The following FHIT variants were observed in gnomAD, a reference collection of about 807,000 sequenced individuals.
The protein encoded by FHIT is bis(5'-adenosyl)-triphosphatase.
Under a neutral mutation model 17.9 loss-of-function variants are expected in FHIT, and 19 were observed. The ratio of observed to expected loss-of-function variants is 1.06; its 90% confidence interval spans 0.74 to 1.56. The LOEUF (loss-of-function observed/expected upper bound fraction) is 1.56, where lower values mean the gene tolerates loss of function less well. Among genes scored for constraint, FHIT ranks in the 40% most tolerant of loss-of-function variants. The pLI is 0.00. For missense variants in FHIT, 248 were observed against 189.2 expected (o/e 1.31, Z -1.82); for synonymous variants, 81 against 69.7 (o/e 1.16, Z -0.81).
At chr3:60,406,387 T>C (rs1336382879) in intron 5 of FHIT, among the ~76,000 whole-genome samples, 1 of 152,148 alleles carries the variant, frequency 6.6e-6, no homozygotes, top group African/African-American at 2.4e-5. Context: ...TCAGACAAAA[T>C]ACAATCAAAC....
intron 5 of FHIT, among the ~76,000 whole-genome samples, chr3:60,217,045 G>A (rs1009260818): frequency 3.3e-5 from 5 of 152,212 alleles, no homozygotes; most frequent in Admixed American, 2.6e-4. Flanking sequence ...ACAAATACTA[G>A]TTCAAGTAAT....
At chr3:60,853,316 A>G (rs1444726952) in intron 3 of FHIT, among the ~76,000 whole-genome samples, 1 of 152,114 alleles carries the variant, frequency 6.6e-6, no homozygotes, top group Non-Finnish European at 1.5e-5. Flanking sequence ...TTTGATGTCT[A>G]TGATGTATTT....
At chr3:60,981,847 C>T (rs1299200131) in intron 3 of FHIT, among the ~76,000 whole-genome samples, 1 of 152,114 alleles carries the variant, frequency 6.6e-6, no homozygotes, top group Non-Finnish European at 1.5e-5. Context: ...AAGTGATTCT[C>T]CCACCTTGGC....
chr3:60,824,083 G>T (rs371467487), intron 3 of FHIT, among the ~76,000 whole-genome samples: 14 of 152,292 alleles, frequency 9.2e-5, no homozygotes, highest in African/African-American at 3.4e-4. Context: ...AAGGTGGGAA[G>T]CCATTGCCTA....
intron 8 of FHIT, among the ~76,000 whole-genome samples, chr3:59,803,592 C>G (rs555167796): frequency 6.6e-6 from 1 of 152,204 alleles, no homozygotes; most frequent in Non-Finnish European, 1.5e-5. Context: ...TTAAAGGGAA[C>G]CTGCATCTCG....
chr3:60,339,078 T>A (rs936633210), intron 5 of FHIT, among the ~76,000 whole-genome samples: 1 of 152,220 alleles, frequency 6.6e-6, no homozygotes, highest in Non-Finnish European at 1.5e-5. Context: ...AATATACACA[T>A]ATAATTTTAT....
chr3:60,815,183 C>T (rs1345865431), intron 4 of FHIT, among the ~76,000 whole-genome samples: 2 of 151,788 alleles, frequency 1.3e-5, no homozygotes, highest in Admixed American at 1.3e-4. Flanking sequence ...TTTCTGTCAT[C>T]CTGTAGGTTG....
intron 1 of FHIT, among the ~76,000 whole-genome samples, chr3:61,250,410 A>C (rs1052238472): frequency 6.6e-6 from 1 of 152,140 alleles, no homozygotes; most frequent in Non-Finnish European, 1.5e-5. Context: ...CACATTTCTG[A>C]GAGACCAGAA....
chr3:60,786,326 A>G (rs1262852494), intron 4 of FHIT, among the ~76,000 whole-genome samples: 1 of 152,238 alleles, frequency 6.6e-6, no homozygotes, highest in African/African-American at 2.4e-5. Flanking sequence ...TATGGAAATG[A>G]AAAAATCTTT....
Position 60,483,337 on chromosome 3 carries a change from G to C in FHIT, c.103+53523C>G, listed in dbSNP as rs2033696956. Among the ~76,000 whole-genome samples, 4 of 152,150 alleles carry C rather than the reference G, an allele frequency of 2.6e-5. No individual in the cohort carries two copies. The South Asian group carries it at 8.3e-4, about 32-fold the overall frequency. On this transcript the variant is annotated intron_variant, in intron 5 of 9. Coordinates refer to ENST00000492590, the MANE Select transcript of FHIT (RefSeq NM_002012.4). ...CTCCCTAAGTCATTTTATGAAGCCA[G>C]CATCACCCTGATGCCAAAACCAGGA... is the stretch of plus-strand genomic sequence containing the variant.
chr3:59,916,808 T>C (rs1173728379), intron 8 of FHIT, among the ~76,000 whole-genome samples: 1 of 152,230 alleles, frequency 6.6e-6, no homozygotes, highest in Non-Finnish European at 1.5e-5. Context: ...TCACATCTGG[T>C]TCTTTGAATA....
chr3:60,292,399 C>G (rs112536843), intron 5 of FHIT, among the ~76,000 whole-genome samples: 3,834 of 152,220 alleles, frequency 0.025, 63 homozygotes, highest in African/African-American at 0.044. Context: ...CCTTCCCCTT[C>G]CAGATAAAAG....
chr3:60,757,074 C>G (rs1478513471), intron 4 of FHIT, among the ~76,000 whole-genome samples: 1 of 152,144 alleles, frequency 6.6e-6, no homozygotes, highest in African/African-American at 2.4e-5. Flanking sequence ...AAAATCAACT[C>G]TGTCATTAGT....
At chr3:61,158,350 G>C (rs1258977334) in intron 2 of FHIT, among the ~76,000 whole-genome samples, 1 of 152,182 alleles carries the variant, frequency 6.6e-6, no homozygotes, top group Non-Finnish European at 1.5e-5. Flanking sequence ...ACACCTTTCA[G>C]AGGGCTTCCT....
intron 3 of FHIT, among the ~76,000 whole-genome samples, chr3:60,933,917 G>A (rs776890531): frequency 2.0e-5 from 3 of 152,076 alleles, no homozygotes; most frequent in Non-Finnish European, 4.4e-5. Flanking sequence ...ACTCTCCAGT[G>A]GTGTGACCCG....
chr3:59,846,763 G>A (rs1200945516), intron 8 of FHIT, among the ~76,000 whole-genome samples: 1 of 152,076 alleles, frequency 6.6e-6, no homozygotes, highest in African/African-American at 2.4e-5. Flanking sequence ...GGCAGATCTA[G>A]TTCTAATAAA....
At chr3:60,481,499 G>A (rs2033608122) in intron 5 of FHIT, among the ~76,000 whole-genome samples, 1 of 152,200 alleles carries the variant, frequency 6.6e-6, no homozygotes, top group East Asian at 1.9e-4. Context: ...CTACATGCCA[G>A]AAGAGACTGG....
intron 4 of FHIT, among the ~76,000 whole-genome samples, chr3:60,591,626 T>G (rs1219844551): frequency 6.6e-6 from 1 of 152,052 alleles, no homozygotes; most frequent in Non-Finnish European, 1.5e-5. Flanking sequence ...CCTCCCCATG[T>G]CGTGGAAGAC....
At chr3:61,156,012 C>T (rs1576119246) in intron 2 of FHIT, among the ~76,000 whole-genome samples, 1 of 152,146 alleles carries the variant, frequency 6.6e-6, no homozygotes, top group Non-Finnish European at 1.5e-5. Flanking sequence ...CAATAACAGC[C>T]TTGGGTGCTG....
Sources: allele counts gnomAD v4.1 joint callset (sites outside exome capture counted in the v4.1 genomes callset), GRCh38; gene constraint gnomAD v4.1.1; transcripts MANE v1.5; gene names NCBI Gene and HGNC (gene_info 2026-07-23, HGNC 2026-07-21).